Variants in FRY observed in about 807,000 individuals in gnomAD.
FRY encodes FRY microtubule binding protein.
In FRY, 128 loss-of-function variants were observed where a neutral mutation model predicts 348.4. The ratio of observed to expected loss-of-function variants is 0.37; its 90% CI spans 0.32 to 0.43. The LOEUF (loss-of-function observed/expected upper bound fraction) is 0.43, where lower values mean the gene tolerates loss of function less well. Among genes scored for constraint, FRY ranks in the 20% least tolerant of loss-of-function variants. The pLI is 1.00. For synonymous variants in FRY, 1,370 were observed against 1,374.7 expected, an observed-to-expected ratio of 1.00 and a Z score of 0.08; for missense variants, 2,736 against 3,695.2, an observed-to-expected ratio of 0.74 and a Z score of 6.73.
chr13:32,075,415 C>G (rs143960831), intron 1 of FRY, among the ~76,000 whole-genome samples: 11 of 152,298 alleles, frequency 7.2e-5, no homozygotes, highest in Admixed American at 6.5e-4. Flanking sequence ...TCTTTTGCTA[C>G]TAGCATTTCT....
At chr13:32,049,195 G>A (rs1034942179) in intron 1 of FRY, among the ~76,000 whole-genome samples, 1 of 152,178 alleles carries the variant, frequency 6.6e-6, no homozygotes, top group Admixed American at 6.5e-5. Flanking sequence ...ATAGTTCCAT[G>A]GAGACTGTGA....
At chr13:32,294,757 G>T (rs1307728350) in intron 60 of FRY, among the ~76,000 whole-genome samples, 187 bp downstream of exon 60, 2 of 152,168 alleles carry the variant, frequency 1.3e-5, no homozygotes, top group Non-Finnish European at 2.9e-5. Context: ...GTTGGTGTTG[G>T]TTCTGGCCAT....
intron 17 of FRY, among the ~76,000 whole-genome samples, chr13:32,167,718 T>G (rs1364916824): frequency 1.3e-5 from 2 of 152,260 alleles, no homozygotes; most frequent in Non-Finnish European, 2.9e-5. Flanking sequence ...AACTATTACC[T>G]GTCCTAAAAA....
chr13:32,048,857 G>C (rs1350429823), intron 1 of FRY, among the ~76,000 whole-genome samples: 7 of 152,194 alleles, frequency 4.6e-5, no homozygotes, highest in Admixed American at 4.6e-4. Flanking sequence ...AATTGGACAT[G>C]CCTGAATAAG....
At chr13:32,261,505 TA>T in intron 51 of FRY, 110 bp from the exon 52 acceptor site, 1 of 953,290 alleles carries the variant, frequency 1.0e-6, no homozygotes, top group Non-Finnish European at 1.7e-6. Context: ...GATGAGGGCC[TA>T]AGAGTTAATA....
At chr13:32,094,466 A>C (rs1876553148) in intron 2 of FRY, among the ~76,000 whole-genome samples, 1 of 151,564 alleles carries the variant, frequency 6.6e-6, no homozygotes, top group Non-Finnish European at 1.5e-5. Flanking sequence ...CATTCTTTCT[A>C]ACTTTTTTTT....
chr13:32,103,639 AC>A (rs1877320355), intron 3 of FRY, among the ~76,000 whole-genome samples: 1 of 152,192 alleles, frequency 6.6e-6, no homozygotes, highest in Non-Finnish European at 1.5e-5. Context: ...GTGCACATGT[AC>A]CCTAAAACTT....
rs1888323389 is a variant in FRY at position 32,273,482 on chromosome 13, A to G, written c.8137-1360A>G. On this transcript the variant is annotated intron_variant, in intron 55 of 60. Transcript: ENST00000542859. ...CGTGATCCACCCGCCTCGGCCTCCC[A>G]AAGTGCTGGGATTACAGGCGTGAGC... Among the ~76,000 whole-genome samples, 3 of 152,142 alleles carry G rather than the reference A, an allele frequency of 2.0e-5. No homozygotes were observed. The South Asian group carries it at 6.2e-4, about 32-fold the overall frequency.
At chr13:32,085,922 A>T (rs547727325) in intron 2 of FRY, 1 of 518,992 alleles carries the variant, frequency 1.9e-6, no homozygotes, top group Non-Finnish European at 3.8e-6. Flanking sequence ...GCTTTGGGAG[A>T]TGACAGAGGC....
intron 29 of FRY, among the ~76,000 whole-genome samples, chr13:32,196,021 G>A (rs1883656625): frequency 6.6e-6 from 1 of 152,166 alleles, no homozygotes. Context: ...CAGGCCTCCA[G>A]AGAGGCTTGA....
chr13:32,289,020 C>T (rs1889208560), intron 58 of FRY, among the ~76,000 whole-genome samples: 1 of 152,172 alleles, frequency 6.6e-6, no homozygotes, highest in Non-Finnish European at 1.5e-5. Flanking sequence ...GGCTCAAGGG[C>T]CATCGTGTAT....
At position 32,103,448 on chromosome 13, in the gene FRY, T is replaced by C. The variant is rs150045560; in HGVS notation, c.324+1432T>C. Reference sequence around the variant, plus strand: ...GCATGTTCTCACTCATAGGTAGGAATTGAACAATGAGAACACATGGACACA... The same window carrying C: ...GCATGTTCTCACTCATAGGTAGGAACTGAACAATGAGAACACATGGACACA... On this transcript the variant is annotated intron_variant, in intron 3 of 60. Coordinates refer to ENST00000542859, the MANE Select transcript of FRY (RefSeq NM_023037.3). Among the ~76,000 whole-genome samples the C allele has an allele frequency of 8.1e-4, 123 of 152,204 alleles. 1 individual carries two copies. In the East Asian group the frequency reaches 0.02, roughly 24 times the overall value.
chr13:32,045,037 T>C (rs1476196449), intron 1 of FRY, among the ~76,000 whole-genome samples: 1 of 152,214 alleles, frequency 6.6e-6, no homozygotes, highest in African/African-American at 2.4e-5. Context: ...TTATACCCGC[T>C]GGCCCCTAAG....
chr13:32,201,475 G>A (rs1302495420), intron 29 of FRY, among the ~76,000 whole-genome samples: 2 of 152,172 alleles, frequency 1.3e-5, no homozygotes, highest in African/African-American at 4.8e-5. Flanking sequence ...TGCTATCTTT[G>A]TATCATTGGT....
intron 56 of FRY, among the ~76,000 whole-genome samples, chr13:32,276,255 GT>G (rs1168813732): frequency 4.6e-5 from 7 of 152,240 alleles, no homozygotes; most frequent in African/African-American, 1.7e-4. Flanking sequence ...AAGAATGGAC[GT>G]TTTCATAGGA....
chr13:32,194,729 A>C (rs1883572940), intron 29 of FRY, among the ~76,000 whole-genome samples: 1 of 152,240 alleles, frequency 6.6e-6, no homozygotes, highest in Admixed American at 6.5e-5. Context: ...AAAGGAAAAA[A>C]AGAAAAGAAA....
At chr13:32,240,661 A>G (rs997526825) in intron 46 of FRY, among the ~76,000 whole-genome samples, 2 of 152,246 alleles carry the variant, frequency 1.3e-5, no homozygotes, top group African/African-American at 4.8e-5. Context: ...CAACAAGTTT[A>G]TTACACAAGG....
chr13:32,139,906 AT>A (rs980094477), intron 11 of FRY, among the ~76,000 whole-genome samples: 68 of 152,168 alleles, frequency 4.5e-4, no homozygotes, highest in African/African-American at 1.5e-3. Context: ...TACTTTTAAA[AT>A]GTTGAGTCAC....
chr13:32,282,018 A>G (rs747906632), intron 58 of FRY, among the ~76,000 whole-genome samples: 1 of 152,216 alleles, frequency 6.6e-6, no homozygotes, highest in Non-Finnish European at 1.5e-5. Flanking sequence ...AAGGCCGGAA[A>G]TGGGCTGTGA....
Sources: gnomAD v4.1 joint callset for allele counts (sites outside exome capture counted in the v4.1 genomes callset) on GRCh38, gnomAD v4.1.1 for gene constraint, MANE v1.5 for transcripts, NCBI Gene and HGNC (gene_info 2026-07-23, HGNC 2026-07-21) for gene names.